KCNB2: variants seen among roughly 807,000 people sequenced by gnomAD.
KCNB2 encodes delayed rectifier potassium channel protein.
KCNB2 carries 15 observed loss-of-function variants against 61.5 expected under a neutral mutation model. That is an observed-to-expected ratio of 0.24 (90% CI 0.16 to 0.38). The LOEUF is 0.38. KCNB2 is among the 10% of genes least tolerant of loss of function. KCNB2 has a pLI of 1.00. For synonymous variants in KCNB2, 457 were observed against 446.0 expected (o/e 1.02, Z -0.31); for missense variants, 828 against 1,125.2 (o/e 0.74, Z 3.78).
At position 72,697,994 on chromosome 8, in the gene KCNB2, A is replaced by C. The variant is rs146082307; in HGVS notation, c.579+129681A>C. ...GGTGATCCTGATGTAGTGAGGTTTG[A>C]GAATCACCATTCTGCAATCACACAA... On this transcript the variant is annotated intron_variant, in intron 2 of 2. Coordinates refer to ENST00000523207, the MANE Select transcript of KCNB2 (RefSeq NM_004770.3). Among the ~76,000 whole-genome samples the C allele has an allele frequency of 5.3e-3, 809 of 152,210 alleles. 3 individuals are homozygous for C. The highest frequency in any genetic ancestry group is 0.031 in the Middle Eastern group (9 of 294).
At chr8:72,929,657 C>G (rs1001506593) in intron 2 of KCNB2, among the ~76,000 whole-genome samples, 1 of 152,264 alleles carries the variant, frequency 6.6e-6, no homozygotes, top group East Asian at 1.9e-4. Context: ...TTAGTTTAGA[C>G]AGAGAATCAC....
At chr8:72,624,339 A>G (rs994474006) in intron 2 of KCNB2, among the ~76,000 whole-genome samples, 1 of 152,204 alleles carries the variant, frequency 6.6e-6, no homozygotes, top group East Asian at 1.9e-4. Context: ...AGAAGCACAC[A>G]TTAAGTGCCT....
chr8:72,545,601 C>T (rs1806247167), intron 1 of KCNB2, among the ~76,000 whole-genome samples: 1 of 152,068 alleles, frequency 6.6e-6, no homozygotes, highest in East Asian at 1.9e-4. Context: ...GCTTGGGCCT[C>T]CCTGTTCCCT....
chr8:72,556,621 A>G (rs1585749314), intron 1 of KCNB2, among the ~76,000 whole-genome samples: 1 of 152,330 alleles, frequency 6.6e-6, no homozygotes, highest in East Asian at 1.9e-4. Context: ...CGATTTTGAC[A>G]AAGTCCAATT....
intron 2 of KCNB2, among the ~76,000 whole-genome samples, chr8:72,807,127 C>T (rs1216342593): frequency 6.6e-6 from 1 of 152,132 alleles, no homozygotes; most frequent in Non-Finnish European, 1.5e-5. Context: ...GGATTTTTAA[C>T]AAAACTACCA....
Position 72,937,707 on chromosome 8 carries a change from G to A in KCNB2, c.2352G>A (p.Leu784=). 6.2e-7 allele frequency: 1 copy of A among 1,614,000 alleles called. No homozygotes were observed. Residue 784 remains leucine (L), a synonymous_variant, in exon 3 of 3, where the codon CTG becomes CTA. Coordinates refer to ENST00000523207, the MANE Select transcript of KCNB2 (RefSeq NM_004770.3). Reference sequence around the variant, plus strand: ...CTTGTCAGGGACCTTCCAAAGGGCTGTCCCCCAGGTTTCCCAAGCAGAAAC... The same window carrying A: ...CTTGTCAGGGACCTTCCAAAGGGCTATCCCCCAGGTTTCCCAAGCAGAAAC... ...SAPCQGPSKG[L]SPRFPKQKLF...
At chr8:72,762,705 A>G (rs35429230) in intron 2 of KCNB2, among the ~76,000 whole-genome samples, 2,662 of 152,222 alleles carry the variant, frequency 0.017, 40 homozygotes, top group Non-Finnish European at 0.031. Context: ...GCTTGCCTAT[A>G]GAAAGTGTTC....
At chr8:72,659,138 G>A (rs900460232) in intron 2 of KCNB2, among the ~76,000 whole-genome samples, 12 of 152,122 alleles carry the variant, frequency 7.9e-5, no homozygotes, top group African/African-American at 2.9e-4. Flanking sequence ...AAAACCTTCT[G>A]GAAAAGATTC....
intron 2 of KCNB2, among the ~76,000 whole-genome samples, chr8:72,914,138 A>G (rs2129007683): frequency 6.6e-6 from 1 of 152,160 alleles, no homozygotes; most frequent in South Asian, 2.1e-4. Context: ...GTACCTTCTC[A>G]CTGTGTCCTC....
At chr8:72,792,316 C>T (rs1808958996) in intron 2 of KCNB2, among the ~76,000 whole-genome samples, 1 of 152,172 alleles carries the variant, frequency 6.6e-6, no homozygotes. Flanking sequence ...TTTTCCCCAC[C>T]TCCCAAGCTG....
At chr8:72,829,782 T>A (rs1007320541) in intron 2 of KCNB2, among the ~76,000 whole-genome samples, 4 of 152,136 alleles carry the variant, frequency 2.6e-5, no homozygotes. Context: ...TAGGACTGGA[T>A]CATTTGAAAT....
chr8:72,552,612 C>G (rs1806361748), intron 1 of KCNB2, among the ~76,000 whole-genome samples: 2 of 152,178 alleles, frequency 1.3e-5, no homozygotes, highest in Non-Finnish European at 1.5e-5. Flanking sequence ...GTGTTGGCCT[C>G]CAGTTTACTG....
intron 2 of KCNB2, among the ~76,000 whole-genome samples, chr8:72,851,099 A>C (rs1354226702): frequency 6.6e-6 from 1 of 152,304 alleles, no homozygotes; most frequent in African/African-American, 2.4e-5. Flanking sequence ...TAGAAGCTAA[A>C]GCTAATGCAG....
chr8:72,768,607 C>T (rs1041977775), intron 2 of KCNB2, among the ~76,000 whole-genome samples: 2 of 151,954 alleles, frequency 1.3e-5, no homozygotes, highest in Non-Finnish European at 2.9e-5. Context: ...TTTTTGGTGT[C>T]ATAGGTAGAA....
At position 72,684,781 on chromosome 8, in the gene KCNB2, A is replaced by G. The variant is rs1029344101; in HGVS notation, c.579+116468A>G. ...TTAAGAACTGGACTGGCAGACCTGT[A>G]TTGAGAGTAGAAAGTCACTGAGTAG... On this transcript the variant is annotated intron_variant, in intron 2 of 2. Transcript: ENST00000523207. 4.2e-4 allele frequency among the ~76,000 whole-genome samples: 64 copies of G among 152,184 alleles called. 2 individuals are homozygous for G. The highest frequency in any genetic ancestry group is 6.5e-5 in the Admixed American group (1 of 15,288).
intron 2 of KCNB2, among the ~76,000 whole-genome samples, chr8:72,620,860 G>A (rs189631202): frequency 1.1e-3 from 163 of 152,148 alleles, no homozygotes; most frequent in African/African-American, 3.8e-3. Context: ...CACCCGCCTC[G>A]GCCTCCCAAA....
intron 2 of KCNB2, among the ~76,000 whole-genome samples, chr8:72,930,069 A>T (rs1171122083): frequency 6.6e-6 from 1 of 151,024 alleles, no homozygotes; most frequent in Non-Finnish European, 1.5e-5. Flanking sequence ...TTGTCCTTAC[A>T]ATAGTTTGCT....
chr8:72,918,736 CTTT>C (rs1806447695), intron 2 of KCNB2, among the ~76,000 whole-genome samples: 2 of 152,170 alleles, frequency 1.3e-5, no homozygotes, highest in Non-Finnish European at 1.5e-5. Context: ...GTGCACAAAG[CTTT>C]CAGCCTCCTA....
chr8:72,817,392 C>T (rs1334015859), intron 2 of KCNB2, among the ~76,000 whole-genome samples: 1 of 152,098 alleles, frequency 6.6e-6, no homozygotes, highest in East Asian at 1.9e-4. Flanking sequence ...TCACTGTAAT[C>T]AGAAAGAGAC....
Sources: gnomAD v4.1 joint callset for allele counts (sites outside exome capture counted in the v4.1 genomes callset) on GRCh38, gnomAD v4.1.1 for gene constraint, MANE v1.5 for transcripts, NCBI Gene and HGNC (gene_info 2026-07-23, HGNC 2026-07-21) for gene names.